Variants in PLXDC1 observed in about 807,000 individuals in gnomAD.
PLXDC1 encodes plexin domain-containing protein 1.
A neutral mutation model predicts 61.3 loss-of-function variants in PLXDC1; 39 were observed. That is an observed-to-expected ratio of 0.64 (90% CI 0.49 to 0.83). PLXDC1 has a LOEUF of 0.83. PLXDC1 is among the 40% of genes least tolerant of loss of function. The pLI is 0.00. For synonymous variants in PLXDC1, 212 were observed against 254.5 expected, an observed-to-expected ratio of 0.83 and a Z score of 1.59; for missense variants, 596 against 666.5, an observed-to-expected ratio of 0.89 and a Z score of 1.17.
At chr17:39,101,695 G>A (rs1598197116) in intron 7 of PLXDC1, among the ~76,000 whole-genome samples, 1 of 152,104 alleles carries the variant, frequency 6.6e-6, no homozygotes, top group South Asian at 2.1e-4. Flanking sequence ...ACCATAAGCC[G>A]GGACCACCCT....
At chr17:39,087,198 ACCT>A (rs1598189924) in intron 8 of PLXDC1, among the ~76,000 whole-genome samples, 1 of 152,046 alleles carries the variant, frequency 6.6e-6, no homozygotes, top group East Asian at 1.9e-4. Context: ...CCGCAGCATC[ACCT>A]CCTCTAAGGA....
At chr17:39,120,308 C>T (rs148767685) in intron 2 of PLXDC1, among the ~76,000 whole-genome samples, 1,618 of 152,260 alleles carry the variant, frequency 0.011, 39 homozygotes, top group African/African-American at 0.036. Context: ...CCCGCCACCA[C>T]GCCCGGCTAA....
At chr17:39,145,601 C>T (rs1345850307) in intron 1 of PLXDC1, among the ~76,000 whole-genome samples, 1 of 152,082 alleles carries the variant, frequency 6.6e-6, no homozygotes, top group Non-Finnish European at 1.5e-5. Context: ...TCATCCTGTC[C>T]CACAGGCTGA....
chr17:39,089,814 T>C (rs7503446), intron 7 of PLXDC1, among the ~76,000 whole-genome samples: 2,989 of 152,220 alleles, frequency 0.02, 101 homozygotes, highest in African/African-American at 0.068. Flanking sequence ...TATTTACTTA[T>C]TGAGACTGAG....
At chr17:39,106,205 C>A (rs1356418747) in intron 6 of PLXDC1, among the ~76,000 whole-genome samples, 1 of 151,502 alleles carries the variant, frequency 6.6e-6, no homozygotes, top group Non-Finnish European at 1.5e-5. Context: ...TACCCTTTTC[C>A]CTTCCCTTTC....
chr17:39,070,351 C>G (rs1360361855), intron 12 of PLXDC1: 4 of 196,094 alleles, frequency 2.0e-5, no homozygotes, highest in Non-Finnish European at 4.1e-5. Flanking sequence ...AGTTTGGGAT[C>G]TGAAATCTGG....
At chr17:39,087,083 AGCAGGTGGC>A (rs1909770484) in intron 8 of PLXDC1, among the ~76,000 whole-genome samples, 1 of 152,154 alleles carries the variant, frequency 6.6e-6, no homozygotes, top group African/African-American at 2.4e-5. Context: ...GCTCCACAAC[AGCAGGTGGC>A]TGCCTTCAGC....
At position 39,109,297 on chromosome 17, in the gene PLXDC1, C is replaced by T. The variant is rs1318171360; in HGVS notation, c.350G>A (p.Ser117Asn). ...LWVDVAEANR[S>N]QVKIHTILSN... The stretch of plus-strand genomic sequence containing the variant: ...GAGTATTGTGTGGATCTTCACTTGG[C>T]TCCGGTTGGCCTCGGCCACATCTAC... The change falls in exon 3 of 14, where the codon AGC becomes AAC. Residue 117 changes from serine to asparagine, a missense_variant. Coordinates refer to ENST00000315392, the MANE Select transcript of PLXDC1 (RefSeq NM_020405.5). 1 of 1,612,692 alleles carries T rather than the reference C, an allele frequency of 6.2e-7. No homozygotes were observed. The highest frequency in any genetic ancestry group is 8.5e-7 in the Non-Finnish European group (1 of 1,179,686).
intron 12 of PLXDC1, chr17:39,070,544 A>G (rs1176453145): frequency 6.6e-6 from 1 of 152,606 alleles, no homozygotes; most frequent in African/African-American, 2.4e-5. Context: ...CATGTCTCCC[A>G]TTTTGGATGA....
At chr17:39,081,468 A>G (rs1909554414) in intron 9 of PLXDC1, 1 of 154,462 alleles carries the variant, frequency 6.5e-6, no homozygotes, top group African/African-American at 2.4e-5. Context: ...AAAAAAAAAA[A>G]TACAAAAAAT....
chr17:39,109,034 A>C, intron 3 of PLXDC1, 61 bp from the exon 4 acceptor site: 1 of 1,380,192 alleles, frequency 7.2e-7, no homozygotes, highest in Non-Finnish European at 1.0e-6. Flanking sequence ...CTGGGCACCC[A>C]CACTGCCTCA....
chr17:39,114,586 T>A (rs1373085717), intron 2 of PLXDC1, among the ~76,000 whole-genome samples: 2 of 152,230 alleles, frequency 1.3e-5, no homozygotes, highest in Non-Finnish European at 2.9e-5. Flanking sequence ...ATTTATCGTG[T>A]TTAAGCACAG....
chr17:39,145,523 A>G (rs1203199512), intron 1 of PLXDC1, among the ~76,000 whole-genome samples: 4 of 152,188 alleles, frequency 2.6e-5, no homozygotes, highest in African/African-American at 9.7e-5. Flanking sequence ...CACCATAGCC[A>G]GGACAAGCCA....
intron 1 of PLXDC1, among the ~76,000 whole-genome samples, chr17:39,147,191 T>G (rs565885304): frequency 1.3e-5 from 2 of 152,062 alleles, no homozygotes; most frequent in Admixed American, 1.3e-4. Flanking sequence ...CTCCTGACCT[T>G]GTGATCCACC....
At chr17:39,089,985 GA>G (rs1909887983) in intron 7 of PLXDC1, among the ~76,000 whole-genome samples, 1 of 152,104 alleles carries the variant, frequency 6.6e-6, no homozygotes, top group African/African-American at 2.4e-5. Flanking sequence ...TTTTGGTAGA[GA>G]GGGGGTTTCA....
At chr17:39,142,681 C>T (rs1385918056) in intron 1 of PLXDC1, among the ~76,000 whole-genome samples, 3 of 152,178 alleles carry the variant, frequency 2.0e-5, no homozygotes, top group African/African-American at 7.2e-5. Flanking sequence ...CCACCACACC[C>T]GGCTAGTTAT....
upstream of PLXDC1, chr17:39,151,693 GGGGGC>G (rs1393336570): frequency 5.6e-6 from 1 of 179,548 alleles, no homozygotes; most frequent in Non-Finnish European, 1.1e-5. The surrounding 1 kb of genome is among the most constrained non-coding windows in gnomAD (Gnocchi z 5.2). Flanking sequence ...AGCTGGGGCA[GGGGGC>G]GGGGCGGGGG....
chr17:39,140,363 T>C (rs759202576), intron 1 of PLXDC1, among the ~76,000 whole-genome samples: 5 of 152,206 alleles, frequency 3.3e-5, no homozygotes, highest in Non-Finnish European at 5.9e-5. Flanking sequence ...TGGAGTGCAG[T>C]GGCCCGAGCT....
intron 7 of PLXDC1, among the ~76,000 whole-genome samples, chr17:39,093,701 G>C (rs1410489838): frequency 1.4e-5 from 2 of 140,812 alleles, no homozygotes; most frequent in African/African-American, 5.6e-5. Flanking sequence ...GGGCGACAGA[G>C]AAAGACTCCG....
Sources: gnomAD v4.1 joint callset for allele counts (sites outside exome capture counted in the v4.1 genomes callset) on GRCh38, gnomAD v4.1.1 for gene constraint, Gnocchi (gnomAD v3.1) non-coding constraint, MANE v1.5 for transcripts, NCBI Gene and HGNC (gene_info 2026-07-23, HGNC 2026-07-21) for gene names.